OR2T1: variants seen among roughly 807,000 people sequenced by gnomAD.
The protein encoded by OR2T1 is olfactory receptor family 2 subfamily T member 1, also known as olfactory receptor 2T1.
For missense variants in OR2T1, 440 were observed against 390.2 expected (o/e 1.13, Z -1.07); for synonymous variants, 186 against 145.4 (o/e 1.28, Z -2.01).
rs1661560016 is a variant in OR2T1 at position 248,406,481 on chromosome 1, T to C, written c.334T>C (p.Phe112Leu). 1 of 1,614,186 alleles carries C rather than the reference T, an allele frequency of 6.2e-7. No individual in the cohort carries two copies. The highest frequency in any genetic ancestry group is 8.5e-7 in the Non-Finnish European group (1 of 1,180,016). Residue 112 changes from phenylalanine to leucine, a missense_variant, in exon 2 of 2, where the codon TTC becomes CTC. Transcript: ENST00000642005. ...CCTTACCCTTGTGGGAGCTGAATTC[T>C]TCCTGCTGGGCCTCATGGCCTATGA... ...LYLTLVGAEFFLLGLMAYDRY... is the reference protein window; with the variant it reads ...LYLTLVGAEFLLLGLMAYDRY...
At chr1:248,404,990 A>G (rs1242325137) in intron 1 of OR2T1, among the ~76,000 whole-genome samples, 3 of 152,120 alleles carry the variant, frequency 2.0e-5, no homozygotes, top group Non-Finnish European at 4.4e-5. Context: ...CAATAGTTAC[A>G]AAGTACTTCT....
chr1:248,406,056 CA>C, intron 1 of OR2T1, 58 bp from the exon 2 acceptor site: 1 of 1,613,282 alleles, frequency 6.2e-7, no homozygotes, highest in Non-Finnish European at 8.5e-7. Flanking sequence ...TGCTGCCTAA[CA>C]ATTAATTCAC....
In OR2T1 at chr1:248,406,911, T is replaced by A; in HGVS notation, c.764T>A (p.Met255Lys). 1 of 1,614,110 alleles carries A rather than the reference T, an allele frequency of 6.2e-7. No homozygotes were observed. Among genetic ancestry groups the A allele is most frequent in the South Asian group, 1.1e-5 (1 of 91,076 alleles). Residue 255 changes from methionine to lysine, a missense_variant, in exon 2 of 2, where the codon ATG becomes AAG. Coordinates refer to ENST00000642005, the MANE Select transcript of OR2T1 (RefSeq NM_030904.2). ...TVVSLFYGAAMYTYMLPHSYH... is the reference protein window; with the variant it reads ...TVVSLFYGAAKYTYMLPHSYH... ...GTGTCCTTGTTCTACGGGGCTGCCA[T>A]GTACACCTACATGCTGCCACATTCT...
In OR2T1 at chr1:248,407,135, TG is replaced by T; in HGVS notation, c.*36del. On this transcript the variant is annotated 3_prime_UTR_variant, in exon 2 of 2. Coordinates refer to ENST00000642005, the MANE Select transcript of OR2T1 (RefSeq NM_030904.2). ...GACTCCTTCCCATGCATATGGTAAA[TG>T]GGGGACTCTGTGGTCACTGTGGCTG... 6.6e-7 allele frequency: 1 copy of T among 1,526,210 alleles called. No individual in the cohort carries two copies. The allele number at this position is 1,526,210 out of a possible 1,614,324, so 94.5% of individuals were successfully genotyped here. A position where few individuals can be genotyped will look rare whatever the true frequency, so the allele number is the denominator to read the frequency against.
chr1:248,403,481 G>A (rs887925535), intron 1 of OR2T1, among the ~76,000 whole-genome samples: 2 of 152,126 alleles, frequency 1.3e-5, no homozygotes, highest in Admixed American at 6.6e-5. Flanking sequence ...GGCTCAGGGT[G>A]TTTAGGAAGA....
chr1:248,407,191 G>C lies in OR2T1; in HGVS notation c.*87G>C, dbSNP rs1228810559. 1 of 1,312,784 alleles carries C rather than the reference G, an allele frequency of 7.6e-7. No homozygotes were observed. The highest frequency in any genetic ancestry group is 1.5e-5 in the South Asian group (1 of 68,504). 81.3% of individuals were successfully genotyped at this position (1,312,784 alleles called of 1,614,324 possible). On this transcript the variant is annotated 3_prime_UTR_variant, in exon 2 of 2. Coordinates refer to ENST00000642005, the MANE Select transcript of OR2T1 (RefSeq NM_030904.2). ...TTCATCAAAAGATGAAGCAAAAAGGGAGGGAGTCATATGATTACAATATTG... is the reference window on the plus strand; with the variant it reads ...TTCATCAAAAGATGAAGCAAAAAGGCAGGGAGTCATATGATTACAATATTG...
rs370747210 is a variant in OR2T1, at chr1:248,406,890, C to T, written c.743C>T (p.Ser248Phe). The T allele has an allele frequency of 8.7e-6, 14 of 1,613,948 alleles. No homozygotes were observed. The highest frequency in any genetic ancestry group is 1.2e-5 in the Non-Finnish European group (14 of 1,179,982). ...TGCTCATCCCACATGACTGTGGTGT[C>T]CTTGTTCTACGGGGCTGCCATGTAC... is the stretch of plus-strand genomic sequence containing the variant. ...ATCSSHMTVV[S>F]LFYGAAMYTY... The change falls in exon 2 of 2, where the codon TCC (serine) becomes TTC (phenylalanine). Residue 248 changes from serine (S) to phenylalanine (F), a missense_variant. Ser to Phe is a radical substitution (Grantham distance 155, BLOSUM62 -2). Coordinates refer to ENST00000642005, the MANE Select transcript of OR2T1 (RefSeq NM_030904.2).
rs1411531258 is a variant in OR2T1, at chr1:248,407,743, C to A, written c.*639C>A. 3 of 152,260 alleles carry A rather than the reference C, an allele frequency of 2.0e-5. No homozygotes were observed. Among genetic ancestry groups the A allele is most frequent in the South Asian group, 2.1e-4 (1 of 4,832 alleles). The allele number at this position is 152,260 out of a possible 1,614,324, so 9.4% of individuals were successfully genotyped here. A position where few individuals can be genotyped will look rare whatever the true frequency, so the allele number is the denominator to read the frequency against. On this transcript the variant is annotated 3_prime_UTR_variant, in exon 2 of 2. Transcript: ENST00000642005. Reference sequence around the variant, plus strand: ...TCCATGTGCCTGGAGGGTGGCATGTCCCAACTCCACAGAGGCAGAAGCTCT... The same window carrying A: ...TCCATGTGCCTGGAGGGTGGCATGTACCAACTCCACAGAGGCAGAAGCTCT...
rs1041882119 is a variant in OR2T1, at chr1:248,407,876, A to G, written c.*772A>G. ...GTAAACATAGGTAAGTGTTTCCTTG[A>G]ATTCTGTGAGCCTTTATAGTAAACT... On this transcript the variant is annotated 3_prime_UTR_variant, in exon 2 of 2. Transcript: ENST00000642005. The G allele has an allele frequency of 1.8e-5, 2 of 113,966 alleles. No individual in the cohort carries two copies. The highest frequency in any genetic ancestry group is 4.0e-5 in the Non-Finnish European group (2 of 49,766). 7.1% of individuals were successfully genotyped at this position (113,966 alleles called of 1,614,324 possible). A position where few individuals can be genotyped will look rare whatever the true frequency, so the allele number is the denominator to read the frequency against.
At chr1:248,404,881 G>C (rs1434854311) in intron 1 of OR2T1, among the ~76,000 whole-genome samples, 1 of 151,982 alleles carries the variant, frequency 6.6e-6, no homozygotes, top group African/African-American at 2.4e-5. Flanking sequence ...GGCACTAACA[G>C]ACCCCGTGAC....
chr1:248,403,785 T>G (rs1661481562), intron 1 of OR2T1, among the ~76,000 whole-genome samples: 1 of 152,112 alleles, frequency 6.6e-6, no homozygotes, highest in Non-Finnish European at 1.5e-5. Context: ...AATCATAATT[T>G]ACTTTGAGGA....
Position 248,406,490 on chromosome 1 carries a change from G to C in OR2T1, c.343G>C (p.Gly115Arg). ...TLVGAEFFLL[G>R]LMAYDRYVAI... ...TGTGGGAGCTGAATTCTTCCTGCTG[G>C]GCCTCATGGCCTATGACCGCTATGT... The change falls in exon 2 of 2, where the codon GGC (glycine) becomes CGC (arginine). Residue 115 changes from glycine (G) to arginine (R), a missense_variant. By Grantham distance (125) the Gly-to-Arg change is moderately radical. Transcript: ENST00000642005. 1 of 1,614,024 alleles carries C rather than the reference G, an allele frequency of 6.2e-7. No homozygotes were observed. The highest frequency in any genetic ancestry group is 8.5e-7 in the Non-Finnish European group (1 of 1,180,004).
At position 248,407,257 on chromosome 1, in the gene OR2T1, T is replaced by C. The variant is rs917454293; in HGVS notation, c.*153T>C. The C allele has an allele frequency of 2.0e-5, 13 of 649,812 alleles. No homozygotes were observed. Among genetic ancestry groups the C allele is most frequent in the South Asian group, 6.7e-5 (2 of 29,868 alleles). The allele number at this position is 649,812 out of a possible 1,614,324, so 40.3% of individuals were successfully genotyped here. ...TTTCTGGTTCATAACTCCATAGTTA[T>C]GATGTTGTGGTTTTTTAGGCCTCAG... On this transcript the variant is annotated 3_prime_UTR_variant, in exon 2 of 2. Transcript: ENST00000642005.
At position 248,406,316 on chromosome 1, in the gene OR2T1, C is replaced by G; in HGVS notation, c.169C>G (p.Pro57Ala). 6.8e-6 allele frequency: 11 copies of G among 1,614,104 alleles called. No homozygotes were observed. The highest frequency in any genetic ancestry group is 2.2e-5 in the South Asian group (2 of 91,072). The change falls in exon 2 of 2, where the codon CCC becomes GCC. Residue 57 changes from proline (P) to alanine (A), a missense_variant. By Grantham distance (27) the Pro-to-Ala change is conservative. Transcript: ENST00000642005. ...LIQTDLRLHT[P>A]MYFLLSHLSL... ...CCAAACAGATTTGCGCCTTCATACA[C>G]CCATGTACTTCCTCCTCAGCCACCT...
At chr1:248,405,952 T>A (rs750396461) in intron 1 of OR2T1, 163 bp from the exon 2 acceptor site, 1 of 1,506,438 alleles carries the variant, frequency 6.6e-7, no homozygotes, top group Admixed American at 2.1e-5. Flanking sequence ...CAATTTTATT[T>A]AAAAACCTTC....
rs1037445319 is a variant in OR2T1 at position 248,407,352 on chromosome 1, G to A, written c.*248G>A. 4 of 441,564 alleles carry A rather than the reference G, an allele frequency of 9.1e-6. No homozygotes were observed. The highest frequency in any genetic ancestry group is 1.6e-5 in the Non-Finnish European group (4 of 253,290). 27.4% of individuals were successfully genotyped at this position (441,564 alleles called of 1,614,324 possible). A position where few individuals can be genotyped will look rare whatever the true frequency, so the allele number is the denominator to read the frequency against. ...CTGCTTCTTTTTCTCCCCAAAGAAA[G>A]CCTTAGAAACTAAAAATATAATCCA... On this transcript the variant is annotated 3_prime_UTR_variant, in exon 2 of 2. Coordinates refer to ENST00000642005, the MANE Select transcript of OR2T1 (RefSeq NM_030904.2).
chr1:248,405,430 T>C (rs1197199026), intron 1 of OR2T1, among the ~76,000 whole-genome samples: 2 of 152,244 alleles, frequency 1.3e-5, no homozygotes, highest in Non-Finnish European at 2.9e-5. Flanking sequence ...ATAATCCTAA[T>C]GCTAATTCCT....
In OR2T1 at chr1:248,406,399, C is replaced by T; in HGVS notation, c.252C>T (p.Tyr84=). 1 of 1,614,100 alleles carries T rather than the reference C, an allele frequency of 6.2e-7. No homozygotes were observed. The highest frequency in any genetic ancestry group is 8.5e-7 in the Non-Finnish European group (1 of 1,179,998). The change falls in exon 2 of 2, where the codon TAC becomes TAT. Residue 84 remains tyrosine (Y), a synonymous_variant. Coordinates refer to ENST00000642005, the MANE Select transcript of OR2T1 (RefSeq NM_030904.2). ...STIVPKMLVN[Y]LLDQRTISFV... is the part of the protein sequence containing the mutation. The stretch of plus-strand genomic sequence containing the variant: ...TTGTGCCTAAGATGCTGGTTAATTA[C>T]CTGCTGGATCAAAGGACCATTTCCT...
chr1:248,406,266 C>T lies in OR2T1; in HGVS notation c.119C>T (p.Ala40Val). 1 of 1,614,104 alleles carries T rather than the reference C, an allele frequency of 6.2e-7. No individual in the cohort carries two copies. ...ATCATCTTCTTCACCGCACTGATGG[C>T]CAATGGGGTTATGATCTTCCTGATC... is the stretch of plus-strand genomic sequence containing the variant. ...ISIIFFTALM[A>V]NGVMIFLIQT... is the part of the protein sequence containing the mutation. Residue 40 changes from alanine to valine, a missense_variant, in exon 2 of 2, where the codon GCC becomes GTC. Transcript: ENST00000642005.
Sources: gnomAD v4.1 joint callset for allele counts (sites outside exome capture counted in the v4.1 genomes callset) on GRCh38, gnomAD v4.1.1 for gene constraint, MANE v1.5 for transcripts, NCBI Gene and HGNC (gene_info 2026-07-23, HGNC 2026-07-21) for gene names.